The following ITFG1 variants were observed in gnomAD, a reference collection of about 807,000 sequenced individuals.
ITFG1 encodes the protein integrin alpha FG-GAP repeat containing 1.
In ITFG1, 34 loss-of-function variants were observed where a neutral mutation model predicts 81.8. The ratio of observed to expected loss-of-function variants is 0.42; its 90% CI spans 0.32 to 0.55. The LOEUF (loss-of-function observed/expected upper bound fraction) is 0.55. ITFG1 is among the 20% of genes least tolerant of loss of function. ITFG1 has a pLI of 0.17. For synonymous variants in ITFG1, 285 were observed against 270.6 expected, an observed-to-expected ratio of 1.05 and a Z score of -0.52; for missense variants, 672 against 755.4, an observed-to-expected ratio of 0.89 and a Z score of 1.29.
intron 6 of ITFG1, among the ~76,000 whole-genome samples, chr16:47,424,247 C>T (rs1360209258): frequency 1.3e-5 from 2 of 152,208 alleles, no homozygotes; most frequent in Non-Finnish European, 2.9e-5. Flanking sequence ...GCATGCATCA[C>T]AAAGTTCTCA....
intron 12 of ITFG1, among the ~76,000 whole-genome samples, chr16:47,240,615 C>T (rs948838566): frequency 2.0e-5 from 3 of 152,064 alleles, no homozygotes; most frequent in African/African-American, 4.8e-5. Context: ...TTCATGGCAG[C>T]GTTAGTCACA....
At chr16:47,323,222 C>T (rs574290512) in intron 8 of ITFG1, among the ~76,000 whole-genome samples, 8 of 152,268 alleles carry the variant, frequency 5.3e-5, no homozygotes, top group Admixed American at 2.6e-4. Context: ...AATAGATTAA[C>T]TCATTCATGA....
rs1964823906 is a variant in ITFG1 at position 47,162,547 on chromosome 16, C to G, written c.1571G>C (p.Gly524Ala). Residue 524 changes from glycine to alanine, a missense_variant, in exon 15 of 18, where the codon GGA (glycine) becomes GCA (alanine). This residue lies in a region of ITFG1 where 560 missense variants were observed against 625.7 expected (regional missense o/e 0.90). Transcript: ENST00000320640. Reference sequence around the variant, plus strand: ...AAATGAATTTTTACTCACTTTTTCTCCAGATGGACGGGGAATACCAACGTA... The same window carrying G: ...AAATGAATTTTTACTCACTTTTTCTGCAGATGGACGGGGAATACCAACGTA... The part of the protein sequence containing the change: ...HLYVGIPRPS[G>A]EKSIRKQEWT... 1.9e-6 allele frequency: 3 copies of G among 1,598,294 alleles called. No individual in the cohort carries two copies. The highest frequency in any genetic ancestry group is 1.7e-4 in the Middle Eastern group (1 of 6,012).
At chr16:47,262,404 C>T (rs1194259778) in intron 10 of ITFG1, among the ~76,000 whole-genome samples, 23 of 152,088 alleles carry the variant, frequency 1.5e-4, no homozygotes, top group Admixed American at 1.5e-3. Flanking sequence ...CCCATCCTAC[C>T]CTTTTAGCTA....
chr16:47,178,525 G>T (rs1244924836), intron 14 of ITFG1, among the ~76,000 whole-genome samples: 1 of 152,172 alleles, frequency 6.6e-6, no homozygotes, highest in Non-Finnish European at 1.5e-5. Context: ...CTAGACATAT[G>T]TAGAAAGCTG....
intron 8 of ITFG1, among the ~76,000 whole-genome samples, chr16:47,349,128 G>C (rs1209091563): frequency 6.6e-6 from 1 of 152,156 alleles, no homozygotes; most frequent in East Asian, 1.9e-4. Flanking sequence ...AAAGACCACT[G>C]ATGCTAGGAA....
At chr16:47,274,822 A>G (rs1192447400) in intron 10 of ITFG1, among the ~76,000 whole-genome samples, 1 of 152,208 alleles carries the variant, frequency 6.6e-6, no homozygotes, top group Non-Finnish European at 1.5e-5. Flanking sequence ...CCATTAGTCC[A>G]ATAGATGTTT....
chr16:47,299,734 C>T lies in ITFG1; in HGVS notation c.1070+11506G>A, dbSNP rs117538704. 9.6e-3 allele frequency: 1,459 copies of T among 152,386 alleles called. 10 individuals are homozygous for T. Among genetic ancestry groups the T allele is most frequent in the Middle Eastern group, 0.014 (4 of 294 alleles). 9.4% of individuals were successfully genotyped at this position (152,386 alleles called of 1,614,324 possible). On this transcript the variant is annotated intron_variant, in intron 10 of 17. Transcript: ENST00000320640. Reference sequence around the variant, plus strand: ...ATACCATCCTACGGCCTGCCACTGGCATCGAGCTGAGGCAGCCAGCCAAAT... The same window carrying T: ...ATACCATCCTACGGCCTGCCACTGGTATCGAGCTGAGGCAGCCAGCCAAAT...
rs1964809845 is a variant in ITFG1 at position 47,161,796 on chromosome 16, T to G, written c.1615A>C (p.Asn539His). Residue 539 changes from asparagine (N) to histidine (H), a missense_variant, in exon 16 of 18, where the codon AAT (asparagine) becomes CAT (histidine). Asn to His is a moderately conservative substitution (Grantham distance 68, BLOSUM62 1). Around this residue, in one of 3 missense-constraint regions of ITFG1, gnomAD observed 65 missense variants for 103.3 expected, o/e 0.63. Transcript: ENST00000320640. Reference protein sequence around the residue: ...RKQEWTAIIPNSQLIVIPYPH... With the variant: ...RKQEWTAIIPHSQLIVIPYPH... ...TATGGAATGACAATTAGCTGGGAATTTGGAATGATTGCAGTCCACTCTTGT... is the reference window on the plus strand; with the variant it reads ...TATGGAATGACAATTAGCTGGGAATGTGGAATGATTGCAGTCCACTCTTGT... 3.1e-6 allele frequency: 5 copies of G among 1,611,192 alleles called. No individual in the cohort carries two copies. The highest frequency in any genetic ancestry group is 2.7e-5 in the African/African-American group (2 of 74,872).
chr16:47,283,292 C>T (rs1329327811), intron 10 of ITFG1, among the ~76,000 whole-genome samples: 3 of 152,108 alleles, frequency 2.0e-5, no homozygotes, highest in Non-Finnish European at 4.4e-5. Context: ...TTTAATTTTT[C>T]TGCATATGGC....
At chr16:47,427,315 A>G (rs993411361) in intron 6 of ITFG1, among the ~76,000 whole-genome samples, 6 of 152,140 alleles carry the variant, frequency 3.9e-5, no homozygotes, top group African/African-American at 1.4e-4. Context: ...ATACAGCAAC[A>G]CCTAGGAAAT....
chr16:47,438,498 A>G (rs1969200343), intron 5 of ITFG1, among the ~76,000 whole-genome samples: 1 of 152,216 alleles, frequency 6.6e-6, no homozygotes, highest in African/African-American at 2.4e-5. Flanking sequence ...CTTCAGAGGA[A>G]TGATCAGGCA....
At chr16:47,420,603 G>C (rs372576868) in intron 6 of ITFG1, among the ~76,000 whole-genome samples, 7 of 152,144 alleles carry the variant, frequency 4.6e-5, no homozygotes, top group African/African-American at 1.7e-4. Context: ...ATTGAGTTCT[G>C]TATTAATTTC....
chr16:47,387,969 G>A lies in ITFG1; in HGVS notation c.656-12029C>T, dbSNP rs1968483624. Among the ~76,000 whole-genome samples, 3 of 151,682 alleles carry A rather than the reference G, an allele frequency of 2.0e-5. No individual in the cohort carries two copies. The South Asian group carries it at 6.2e-4, about 31-fold the overall frequency. ...AAAAAAGGAAATTATGCTTAAAGAA[G>A]TGAAGTGTGCCTTATCAAATATAAA... On this transcript the variant is annotated intron_variant, in intron 6 of 17. Transcript: ENST00000320640.
intron 6 of ITFG1, among the ~76,000 whole-genome samples, chr16:47,376,964 CAAAA>C (rs1222007051): frequency 3.9e-4 from 7 of 18,076 alleles, no homozygotes; most frequent in African/African-American, 8.7e-4. Flanking sequence ...TCTGTCTCCC[CAAAA>C]AAAAAAAAAA....
intron 14 of ITFG1, among the ~76,000 whole-genome samples, chr16:47,214,824 A>ATGT (rs202070563): frequency 6.6e-6 from 1 of 151,602 alleles, no homozygotes; most frequent in Non-Finnish European, 1.5e-5. Flanking sequence ...ATATTAATTT[A>ATGT]TGTTGTTGTT....
chr16:47,156,544 C>T (rs376312828), intron 17 of ITFG1, among the ~76,000 whole-genome samples: 11 of 152,120 alleles, frequency 7.2e-5, no homozygotes, highest in African/African-American at 1.9e-4. Flanking sequence ...AAAAAACCTC[C>T]GTTTTGTATC....
chr16:47,450,968 C>T (rs932608796), intron 5 of ITFG1, among the ~76,000 whole-genome samples: 5 of 152,106 alleles, frequency 3.3e-5, no homozygotes, highest in Admixed American at 3.3e-4. Context: ...TAGAGGAGTG[C>T]TTATATTACT....
chr16:47,266,586 G>A (rs558575443), intron 10 of ITFG1, among the ~76,000 whole-genome samples: 4 of 152,286 alleles, frequency 2.6e-5, no homozygotes, highest in African/African-American at 9.6e-5. Context: ...GTAATTGGAA[G>A]CTCATACACT....
Sources: gnomAD v4.1 joint callset for allele counts (sites outside exome capture counted in the v4.1 genomes callset) on GRCh38, gnomAD v4.1.1 for gene constraint, gnomAD v4.1.1 regional missense constraint, MANE v1.5 for transcripts, NCBI Gene and HGNC (gene_info 2026-07-23, HGNC 2026-07-21) for gene names.